The following ZYG11A variants were observed in gnomAD, a reference collection of about 807,000 sequenced individuals.
ZYG11A encodes the protein protein zyg-11 homolog A.
Under a neutral mutation model 77.2 loss-of-function variants are expected in ZYG11A, and 62 were observed. That is an observed-to-expected ratio of 0.80 (90% CI 0.65 to 0.99). ZYG11A has a LOEUF of 0.99. Among genes scored for constraint, ZYG11A ranks in the 50% least tolerant of loss-of-function variants. The pLI, the probability that ZYG11A is intolerant of heterozygous loss-of-function variation, is 0.00. For missense variants in ZYG11A, 828 were observed against 896.8 expected (o/e 0.92, Z 0.98); for synonymous variants, 315 against 324.6 (o/e 0.97, Z 0.32).
chr1:52,872,709 C>G (rs1013937362), intron 8 of ZYG11A, among the ~76,000 whole-genome samples: 1 of 150,296 alleles, frequency 6.7e-6, no homozygotes, highest in African/African-American at 2.4e-5. Flanking sequence ...GGTGAAACCC[C>G]GTCTCTATTA....
intron 3 of ZYG11A, among the ~76,000 whole-genome samples, chr1:52,858,286 C>A (rs138850299): frequency 0.014 from 2,100 of 149,848 alleles, 22 homozygotes; most frequent in Middle Eastern, 0.13. Flanking sequence ...GTCCCAGCTA[C>A]TTGGGAGGCT....
At chr1:52,843,565 C>CCCCGT (rs1571820946) in intron 1 of ZYG11A, among the ~76,000 whole-genome samples, 1 of 152,226 alleles carries the variant, frequency 6.6e-6, no homozygotes, top group Non-Finnish European at 1.5e-5. Context: ...CCGCCCCCGT[C>CCCCGT]CCCGTCCCGT....
rs34348785 is a variant in ZYG11A, at chr1:52,847,509, A to AT, written c.90+4551dup. 6.8e-3 allele frequency among the ~76,000 whole-genome samples: 989 copies of AT among 145,154 alleles called. 7 individuals carry two copies. Among genetic ancestry groups the AT allele is most frequent in the African/African-American group, 0.023 (904 of 39,364 alleles). On this transcript the variant is annotated intron_variant, in intron 1 of 13. Transcript: ENST00000371528. ...CATGAGCCACCGTGCCCAGCCTGTC[A>AT]TTTTTTTTTTTTTTTAGCTTAAAGA... is the stretch of plus-strand genomic sequence containing the variant.
At chr1:52,892,344 G>T (rs372706315) in intron 13 of ZYG11A, among the ~76,000 whole-genome samples, 1 of 149,514 alleles carries the variant, frequency 6.7e-6, no homozygotes, top group South Asian at 2.2e-4. Context: ...TGGCTAACAC[G>T]GTGAAACTCC....
chr1:52,877,774 T>C lies in ZYG11A; in HGVS notation c.1635T>C (p.Asp545=). The change falls in exon 9 of 14, where the codon GAT becomes GAC. Residue 545 remains aspartate (D), a synonymous_variant. Transcript: ENST00000371528. ...FTLKALWNLT[D]GSPAACKHFI... ...TGAAAGCACTTTGGAATCTTACAGA[T>C]GGGTCTCCAGCTGCCTGCAAGCACT... The C allele has an allele frequency of 6.4e-7, 1 of 1,551,974 alleles. No individual in the cohort carries two copies. The highest frequency in any genetic ancestry group is 1.2e-5 in the South Asian group (1 of 84,046).
rs976547743 is a variant in ZYG11A at position 52,885,841 on chromosome 1, C to T, written c.1953C>T (p.Thr651=). 1.9e-6 allele frequency: 3 copies of T among 1,546,492 alleles called. No homozygotes were observed. The African/African-American group carries it at 4.1e-5, about 21-fold the overall frequency. ...TCTTGTTTTTGGAGTAGCATGCAAC[C>T]ATACAGAATTGGCCAAGTTCAAGTT... ...RRTLLQDLHA[T]IQNWPSSSCK... is the part of the protein sequence containing the mutation. Residue 651 remains threonine (T), a synonymous_variant, in exon 12 of 14, where the codon ACC becomes ACT. Transcript: ENST00000371528.
chr1:52,870,776 A>G (rs975613010), intron 8 of ZYG11A, among the ~76,000 whole-genome samples: 2 of 151,836 alleles, frequency 1.3e-5, no homozygotes, highest in Non-Finnish European at 2.9e-5. Flanking sequence ...CAGGAGAGTC[A>G]GGCAGGGAGG....
At chr1:52,852,251 G>A (rs1028751184) in intron 1 of ZYG11A, among the ~76,000 whole-genome samples, 22 of 151,850 alleles carry the variant, frequency 1.4e-4, no homozygotes, top group African/African-American at 3.4e-4. Context: ...GTTTCACCGT[G>A]TTGGCCAGGC....
rs749019486 is a variant in ZYG11A, at chr1:52,864,031, C to G, written c.1200C>G (p.Phe400Leu). 6.4e-6 allele frequency: 10 copies of G among 1,551,748 alleles called. No individual in the cohort carries two copies. The South Asian group carries it at 1.2e-4, about 18-fold the overall frequency. The change falls in exon 5 of 14, where the codon TTC becomes TTG. Residue 400 changes from phenylalanine to leucine, a missense_variant. Physicochemically the swap from Phe to Leu is conservative, Grantham distance 22. Transcript: ENST00000371528. ...ACCCATTGGATTTGCGAGTGCAGTT[C>G]ACAGCCAGTGCTTGCGCTCTCAACC... ...RNHPLDLRVQ[F>L]TASACALNLT...
intron 13 of ZYG11A, among the ~76,000 whole-genome samples, chr1:52,888,615 C>T (rs1646487445): frequency 6.6e-6 from 1 of 152,166 alleles, no homozygotes; most frequent in African/African-American, 2.4e-5. Flanking sequence ...GCCTCAGCCT[C>T]CCAAAGTGTT....
At chr1:52,858,925 G>T in intron 3 of ZYG11A, among the ~76,000 whole-genome samples, 1 of 152,060 alleles carries the variant, frequency 6.6e-6, no homozygotes, top group East Asian at 1.9e-4. Context: ...CAGAGCTGTT[G>T]TTTTAAAGTA....
chr1:52,862,367 G>A (rs889288047), intron 4 of ZYG11A, among the ~76,000 whole-genome samples: 1 of 146,894 alleles, frequency 6.8e-6, no homozygotes, highest in Non-Finnish European at 1.5e-5. Context: ...GCTGGAGTGC[G>A]GTGGCTTGAT....
At chr1:52,883,381 C>G (rs899305515) in intron 11 of ZYG11A, among the ~76,000 whole-genome samples, 1 of 151,846 alleles carries the variant, frequency 6.6e-6, no homozygotes, top group African/African-American at 2.4e-5. Flanking sequence ...GCCTTGGCCT[C>G]CTGAAGTGCT....
intron 8 of ZYG11A, among the ~76,000 whole-genome samples, 184 bp from the exon 9 acceptor site, chr1:52,877,498 C>T (rs1162961835): frequency 6.6e-6 from 1 of 151,960 alleles, no homozygotes; most frequent in Non-Finnish European, 1.5e-5. Context: ...TCATTTAATC[C>T]TCACAAAAAC....
chr1:52,892,721 G>C, intron 13 of ZYG11A, 61 bp from the exon 14 acceptor site: 2 of 1,390,902 alleles, frequency 1.4e-6, no homozygotes, highest in Middle Eastern at 1.8e-4. Context: ...TGAATGTGGT[G>C]ACATGGGAGT....
In ZYG11A at chr1:52,848,374, G is replaced by C. The variant is rs549846576; in HGVS notation, c.90+5401G>C. On this transcript the variant is annotated intron_variant, in intron 1 of 13. Coordinates refer to ENST00000371528, the MANE Select transcript of ZYG11A (RefSeq NM_001004339.3). ...TTCTGTGTCCACTCCCCCGTCATAA[G>C]CTTTTTCTCATTGTTGGTTTTTAGA... Among the ~76,000 whole-genome samples the C allele has an allele frequency of 5.3e-4, 80 of 152,186 alleles. 1 individual carries two copies. The highest frequency in any genetic ancestry group is 1.8e-3 in the African/African-American group (73 of 41,528).
chr1:52,843,385 C>G (rs1645490789), intron 1 of ZYG11A, among the ~76,000 whole-genome samples: 1 of 152,146 alleles, frequency 6.6e-6, no homozygotes, highest in Non-Finnish European at 1.5e-5. Flanking sequence ...AACCCAAACG[C>G]CGCAAACCTT....
chr1:52,854,699 A>G (rs1645776544), intron 2 of ZYG11A, 69 bp downstream of exon 2: 6 of 1,336,090 alleles, frequency 4.5e-6, no homozygotes, highest in Non-Finnish European at 6.0e-6. Flanking sequence ...TTTTACACAC[A>G]ATTTCTATTG....
intron 8 of ZYG11A, among the ~76,000 whole-genome samples, chr1:52,870,729 C>T (rs1385216952): frequency 2.0e-5 from 3 of 152,164 alleles, no homozygotes; most frequent in South Asian, 2.1e-4. Flanking sequence ...GGCGTGACGG[C>T]GCGCGCCTGC....
Sources: gnomAD v4.1 joint callset for allele counts (sites outside exome capture counted in the v4.1 genomes callset) on GRCh38, gnomAD v4.1.1 for gene constraint, MANE v1.5 for transcripts, NCBI Gene and HGNC (gene_info 2026-07-23, HGNC 2026-07-21) for gene names.